Variants in TACC2 observed in about 807,000 individuals in gnomAD.
TACC2 encodes the protein transforming acidic coiled-coil containing protein 2.
In TACC2, 137 loss-of-function variants were observed where a neutral mutation model predicts 227.3. The ratio of observed to expected loss-of-function variants is 0.60; its 90% confidence interval spans 0.52 to 0.69. The LOEUF (loss-of-function observed/expected upper bound fraction) is 0.69, where lower values mean the gene tolerates loss of function less well. Ranked by LOEUF, TACC2 falls within the 30% of genes least tolerant of loss-of-function variation. TACC2 has a pLI of 0.00. For synonymous variants in TACC2, 1,523 were observed against 1,487.5 expected (o/e 1.02, Z -0.55); for missense variants, 3,470 against 3,694.4 (o/e 0.94, Z 1.57).
chr10:122,046,464 ACT>A (rs35753516), intron 2 of TACC2, among the ~76,000 whole-genome samples: 7,974 of 152,086 alleles, frequency 0.052, 268 homozygotes, highest in Admixed American at 0.11. Flanking sequence ...ACAGAGTGAG[ACT>A]CTGTCTCAAA....
chr10:122,161,879 G>A (rs958944748), intron 7 of TACC2, among the ~76,000 whole-genome samples: 15 of 152,168 alleles, frequency 9.9e-5, no homozygotes, highest in Non-Finnish European at 2.9e-5. Flanking sequence ...AGCTTCTTTG[G>A]GCCCTCACCT....
At chr10:122,215,313 G>C in intron 9 of TACC2, 78 bp from the exon 10 acceptor site, 1 of 1,327,698 alleles carries the variant, frequency 7.5e-7, no homozygotes, top group South Asian at 1.2e-5. Flanking sequence ...AGAGGCAGTA[G>C]CTTCGGTCCG....
intron 8 of TACC2, among the ~76,000 whole-genome samples, chr10:122,197,479 A>C (rs915953179): frequency 1.3e-5 from 2 of 152,182 alleles, no homozygotes; most frequent in African/African-American, 4.8e-5. Flanking sequence ...ACTTCCTTTC[A>C]ACAAAGCAGA....
At chr10:122,225,480 G>A (rs1377842702) in intron 12 of TACC2, among the ~76,000 whole-genome samples, 1 of 152,246 alleles carries the variant, frequency 6.6e-6, no homozygotes, top group Non-Finnish European at 1.5e-5. Flanking sequence ...CATGCGCCAC[G>A]TCAGTGAGAT....
At chr10:122,113,734 T>G (rs1014136239) in intron 5 of TACC2, among the ~76,000 whole-genome samples, 10 of 152,242 alleles carry the variant, frequency 6.6e-5, no homozygotes, top group Admixed American at 6.5e-5. Flanking sequence ...GCGCTGGATT[T>G]CCTCCGAGTT....
At chr10:122,239,357 T>G (rs2095933081) in intron 18 of TACC2, among the ~76,000 whole-genome samples, 1 of 152,214 alleles carries the variant, frequency 6.6e-6, no homozygotes, top group African/African-American at 2.4e-5. Context: ...GCTACCATTT[T>G]AAGCAGAAAA....
chr10:122,233,953 C>T (rs141833284), intron 16 of TACC2, among the ~76,000 whole-genome samples: 25 of 152,298 alleles, frequency 1.6e-4, no homozygotes, highest in South Asian at 1.5e-3. Flanking sequence ...CTCTCCTGCG[C>T]GGGTGGCGGC....
intron 8 of TACC2, among the ~76,000 whole-genome samples, chr10:122,207,463 T>C (rs919241667): frequency 2.6e-5 from 4 of 152,118 alleles, no homozygotes; most frequent in African/African-American, 7.2e-5. Flanking sequence ...CAAGGGTACA[T>C]GGCAATGTCT....
intron 16 of TACC2, among the ~76,000 whole-genome samples, chr10:122,235,236 C>A (rs796984799): frequency 6.6e-6 from 1 of 152,132 alleles, no homozygotes. Context: ...TACAGGCATG[C>A]ACCACCACAC....
At chr10:122,206,926 A>T (rs963655495) in intron 8 of TACC2, among the ~76,000 whole-genome samples, 6 of 152,222 alleles carry the variant, frequency 3.9e-5, no homozygotes, top group African/African-American at 1.4e-4. Context: ...TTGTGGAATG[A>T]ACAAATGAAT....
At chr10:121,999,158 A>G (rs1261294434) in intron 1 of TACC2, among the ~76,000 whole-genome samples, 5 of 151,892 alleles carry the variant, frequency 3.3e-5, no homozygotes, top group Admixed American at 1.3e-4. Context: ...ACAGGCGTGC[A>G]CCACCACGCC....
At chr10:122,070,033 T>C (rs2077859224) in intron 3 of TACC2, among the ~76,000 whole-genome samples, 3 of 152,112 alleles carry the variant, frequency 2.0e-5, no homozygotes, top group Non-Finnish European at 4.4e-5. Flanking sequence ...TCCACTTTTT[T>C]CCCCAGTTTA....
rs554339027 is a variant in TACC2 at position 122,081,886 on chromosome 10, G to C, written c.147-761G>C. 3.3e-5 allele frequency among the ~76,000 whole-genome samples: 5 copies of C among 152,290 alleles called. No individual in the cohort carries two copies. In the East Asian group the frequency reaches 9.6e-4, roughly 29 times the overall value. ...ATCAAGTTAACTATTACCAGGAATG[G>C]CTCTTTATTTCAAAGCCTGGCTTTG... On this transcript the variant is annotated intron_variant, in intron 3 of 22. Transcript: ENST00000369005.
chr10:122,123,002 C>T (rs1315986760), intron 5 of TACC2, among the ~76,000 whole-genome samples: 1 of 152,120 alleles, frequency 6.6e-6, no homozygotes, highest in African/African-American at 2.4e-5. Flanking sequence ...AGGTTGGCCT[C>T]TCTGGTTTTG....
intron 7 of TACC2, among the ~76,000 whole-genome samples, chr10:122,158,955 A>G (rs1240878149): frequency 6.6e-6 from 1 of 152,154 alleles, no homozygotes; most frequent in East Asian, 1.9e-4. Flanking sequence ...GGCACCCTGC[A>G]TGGCTGGAGA....
chr10:122,164,366 C>T (rs2093020572), intron 7 of TACC2, among the ~76,000 whole-genome samples: 2 of 152,176 alleles, frequency 1.3e-5, no homozygotes, highest in Non-Finnish European at 1.5e-5. Flanking sequence ...GTGGCAGCTC[C>T]GTGCCCGGGG....
At position 122,254,406 on chromosome 10, in the gene TACC2, A is replaced by T; in HGVS notation, c.*350A>T. 3.3e-6 allele frequency: 1 copy of T among 306,496 alleles called. No homozygotes were observed. Among genetic ancestry groups the T allele is most frequent in the Non-Finnish European group, 6.2e-6 (1 of 160,924 alleles). 19.0% of individuals were successfully genotyped at this position (306,496 alleles called of 1,614,324 possible). A position where few individuals can be genotyped will look rare whatever the true frequency, so the allele number is the denominator to read the frequency against. On this transcript the variant is annotated 3_prime_UTR_variant, in exon 23 of 23. Transcript: ENST00000369005. Reference sequence around the variant, plus strand: ...TTTTGGATTTAATATGAACATGTACAGCGTGCATAGGGACTCTTGCCTTAA... The same window carrying T: ...TTTTGGATTTAATATGAACATGTACTGCGTGCATAGGGACTCTTGCCTTAA...
intron 5 of TACC2, among the ~76,000 whole-genome samples, chr10:122,104,410 C>T (rs1229011293): frequency 6.6e-6 from 1 of 151,962 alleles, no homozygotes; most frequent in Non-Finnish European, 1.5e-5. Flanking sequence ...GCTCTGTCAC[C>T]CAGGCTGGAG....
chr10:122,129,782 C>T (rs2087674884), intron 5 of TACC2, among the ~76,000 whole-genome samples: 2 of 152,138 alleles, frequency 1.3e-5, no homozygotes, highest in Admixed American at 6.6e-5. Context: ...TTCTCTGACT[C>T]CTTGGATGTG....
Sources: allele counts gnomAD v4.1 joint callset (sites outside exome capture counted in the v4.1 genomes callset), GRCh38; gene constraint gnomAD v4.1.1; transcripts MANE v1.5; gene names NCBI Gene and HGNC (gene_info 2026-07-23, HGNC 2026-07-21).